DIDO1: variants seen among roughly 807,000 people sequenced by gnomAD.
The protein encoded by DIDO1 is death inducer-obliterator 1, also known as death-inducer obliterator 1.
Under a neutral mutation model 99.4 loss-of-function variants are expected in DIDO1, and 16 were observed. The observed-to-expected ratio is 0.16, with a 90% CI of 0.11 to 0.24. The LOEUF is 0.24. Among genes scored for constraint, DIDO1 ranks in the 10% least tolerant of loss-of-function variants. The probability of loss-of-function intolerance (pLI) is 1.00; values close to 1 mark genes in which losing one functional copy is unlikely to be tolerated. For synonymous variants in DIDO1, 1,366 were observed against 1,239.1 expected (o/e 1.10, Z -2.15); for missense variants, 2,996 against 3,014.0 (o/e 0.99, Z 0.14).
At position 62,881,800 on chromosome 20, in the gene DIDO1, C is replaced by T. The variant is rs781576393; in HGVS notation, c.4156G>A (p.Asp1386Asn). 1 of 1,613,482 alleles carries T rather than the reference C, an allele frequency of 6.2e-7. No homozygotes were observed. Among genetic ancestry groups the T allele is most frequent in the South Asian group, 1.1e-5 (1 of 91,080 alleles). Residue 1386 changes from aspartate (D) to asparagine (N), a missense_variant, in exon 16 of 16, where the codon GAC (aspartate) becomes AAC (asparagine). Physicochemically the swap from Asp to Asn is conservative, Grantham distance 23 (BLOSUM62 1). This residue lies in a region of DIDO1 where 1,562 missense variants were observed against 1,412.6 expected (regional missense o/e 1.11). Transcript: ENST00000395343. This position sits in a 1 kb window ranked among gnomAD's most constrained non-coding sequence, Gnocchi z 8.3. The stretch of plus-strand genomic sequence containing the variant: ...TCCGGGTCGTACTCCTCCTCAGGGT[C>T]GTATGGCCTGTCGTCCTCCTCTTCC... The part of the protein sequence containing the change: ...LEEEEDDRPY[D>N]PEEEYDPERA...
At chr20:62,914,522 C>T (rs769449667) in intron 1 of DIDO1, 116 bp from the exon 2 acceptor site, 3 of 152,198 alleles carry the variant, frequency 2.0e-5, no homozygotes, top group Non-Finnish European at 4.4e-5. Context: ...ACTGTGTGAC[C>T]CACAAAGACA....
intron 2 of DIDO1, among the ~76,000 whole-genome samples, chr20:62,913,011 G>A (rs1031572057): frequency 6.6e-6 from 1 of 152,302 alleles, no homozygotes; most frequent in African/African-American, 2.4e-5. Context: ...CAGCCTGGGC[G>A]AGCAAGACTC....
In DIDO1 at chr20:62,911,690, G is replaced by T; in HGVS notation, c.-2-76C>A. 2 of 1,339,634 alleles carry T rather than the reference G, an allele frequency of 1.5e-6. No homozygotes were observed. The highest frequency in any genetic ancestry group is 2.0e-6 in the Non-Finnish European group (2 of 995,400). The allele number at this position is 1,339,634 out of a possible 1,614,324, so 83.0% of individuals were successfully genotyped here. On this transcript the variant is annotated intron_variant, in intron 2 of 15. Coordinates refer to ENST00000395343, the MANE Select transcript of DIDO1 (RefSeq NM_001193369.2). This position sits in a 1 kb window ranked among gnomAD's most constrained non-coding sequence, Gnocchi z 7.0. ...GTGACATTGCCGCCAAACACGCGCA[G>T]CAGGGGCCACCTCCCTACAAACAGT... is the stretch of plus-strand genomic sequence containing the variant.
At chr20:62,899,703 T>G (rs774881889) in intron 6 of DIDO1, among the ~76,000 whole-genome samples, 4 of 152,222 alleles carry the variant, frequency 2.6e-5, no homozygotes, top group Non-Finnish European at 5.9e-5. Flanking sequence ...TCATCCCTCA[T>G]CTGTGCTTTA....
In DIDO1 at chr20:62,892,931, C is replaced by T. The variant is rs748079042; in HGVS notation, c.3133G>A (p.Asp1045Asn). 6.2e-7 allele frequency: 1 copy of T among 1,613,774 alleles called. No homozygotes were observed. Among genetic ancestry groups the T allele is most frequent in the East Asian group, 2.2e-5 (1 of 44,886 alleles). ...TSESRSPPEGDTTLFLSRLST... is the reference protein window; with the variant it reads ...TSESRSPPEGNTTLFLSRLST... The stretch of plus-strand genomic sequence containing the variant: ...AGTCGAGACAAAAAGAGGGTCGTGT[C>T]TCCCTCTGGAGGGGAACGTGATTCT... Residue 1045 changes from aspartate (D) to asparagine (N), a missense_variant, in exon 13 of 16, where the codon GAC (aspartate) becomes AAC (asparagine). Transcript: ENST00000395343.
chr20:62,898,276 G>A (rs934732931), intron 6 of DIDO1, among the ~76,000 whole-genome samples: 2 of 152,174 alleles, frequency 1.3e-5, no homozygotes, highest in Admixed American at 6.5e-5. Flanking sequence ...AGGATATCCC[G>A]CATGTGCTGC....
In DIDO1 at chr20:62,892,935, C is replaced by T. The variant is rs1568841416; in HGVS notation, c.3129G>A (p.Glu1043=). The T allele has an allele frequency of 1.2e-6, 2 of 1,613,416 alleles. No individual in the cohort carries two copies. Among genetic ancestry groups the T allele is most frequent in the Non-Finnish European group, 1.7e-6 (2 of 1,179,544 alleles). Residue 1043 remains glutamate (E), a synonymous_variant, in exon 13 of 16, where the codon GAG becomes GAA. Transcript: ENST00000395343. ...GAGACAAAAAGAGGGTCGTGTCTCCCTCTGGAGGGGAACGTGATTCTGAAG... is the reference window on the plus strand; with the variant it reads ...GAGACAAAAAGAGGGTCGTGTCTCCTTCTGGAGGGGAACGTGATTCTGAAG... The part of the protein sequence containing the change: ...ISTSESRSPP[E]GDTTLFLSRL...
At chr20:62,933,208 T>C (rs879047352) in intron 1 of DIDO1, among the ~76,000 whole-genome samples, 2 of 152,030 alleles carry the variant, frequency 1.3e-5, no homozygotes, top group Admixed American at 1.3e-4. Flanking sequence ...TGAAATTCTG[T>C]CTCAAACAAA....
rs1301278753 is a variant in DIDO1 at position 62,896,430 on chromosome 20, T to A, written c.2055-38A>T. Reference sequence around the variant, plus strand: ...AAAAAAAGGAACTACATAAGACACTTGTGTATATTAAACTTTTTGAACAGT... The same window carrying A: ...AAAAAAAGGAACTACATAAGACACTAGTGTATATTAAACTTTTTGAACAGT... On this transcript the variant is annotated intron_variant, in intron 7 of 15. Coordinates refer to ENST00000395343, the MANE Select transcript of DIDO1 (RefSeq NM_001193369.2). This position sits in a 1 kb window ranked among gnomAD's most constrained non-coding sequence, Gnocchi z 4.4. 6.3e-7 allele frequency: 1 copy of A among 1,597,212 alleles called. No individual in the cohort carries two copies. Among genetic ancestry groups the A allele is most frequent in the African/African-American group, 1.4e-5 (1 of 73,378 alleles).
chr20:62,906,086 G>T lies in DIDO1; in HGVS notation c.1389C>A (p.Ile463=). The part of the protein sequence containing the change: ...PKCGAQAGIK[I]SSVHKRPAPE... ...GAGCTGGTCTCTTGTGCACAGAAGA[G>T]ATTTTAATACCTGCCTGGATAATCA... Residue 463 remains isoleucine (I), a synonymous_variant, in exon 6 of 16, where the codon ATC becomes ATA. Coordinates refer to ENST00000395343, the MANE Select transcript of DIDO1 (RefSeq NM_001193369.2). The T allele has an allele frequency of 6.2e-7, 1 of 1,610,134 alleles. No individual in the cohort carries two copies. Among genetic ancestry groups the T allele is most frequent in the Non-Finnish European group, 8.5e-7 (1 of 1,178,122 alleles).
intron 15 of DIDO1, among the ~76,000 whole-genome samples, chr20:62,882,915 C>CCT (rs1491565829): frequency 2.5e-5 from 2 of 81,358 alleles, no homozygotes; most frequent in Non-Finnish European, 4.2e-5. Flanking sequence ...AACAAACAGC[C>CCT]TTTTTTTTTT....
chr20:62,886,234 T>C (rs928448420), intron 15 of DIDO1, among the ~76,000 whole-genome samples: 12 of 152,260 alleles, frequency 7.9e-5, no homozygotes, highest in Non-Finnish European at 1.5e-4. Flanking sequence ...AACGTGCCCC[T>C]GCACTTCCAC....
Position 62,914,278 on chromosome 20 carries a change from C to T in DIDO1, c.-71G>A, listed in dbSNP as rs2064999745. On this transcript the variant is annotated 5_prime_UTR_variant, in exon 2 of 16. Coordinates refer to ENST00000395343, the MANE Select transcript of DIDO1 (RefSeq NM_001193369.2). ...AAATACAACCAAAAACCCTGGCAGA[C>T]GAAACCTCTGGGTCCAAGCAGACAG... The T allele has an allele frequency of 6.6e-6, 1 of 152,268 alleles. No homozygotes were observed. The highest frequency in any genetic ancestry group is 2.1e-4 in the South Asian group (1 of 4,818). 9.4% of individuals were successfully genotyped at this position (152,268 alleles called of 1,614,324 possible). A position where few individuals can be genotyped will look rare whatever the true frequency, so the allele number is the denominator to read the frequency against.
chr20:62,936,596 T>A (rs886110437), intron 1 of DIDO1, among the ~76,000 whole-genome samples: 4 of 151,628 alleles, frequency 2.6e-5, no homozygotes, highest in Non-Finnish European at 2.9e-5. Flanking sequence ...CCGGGAGCGG[T>A]GGCTCACGCC....
At chr20:62,905,735 G>T (rs1278943927) in intron 6 of DIDO1, 152 bp downstream of exon 6, 2 of 1,606,680 alleles carry the variant, frequency 1.2e-6, no homozygotes, top group African/African-American at 2.7e-5. Flanking sequence ...GAGGCATCCT[G>T]GACATGGGCT....
At position 62,907,186 on chromosome 20, in the gene DIDO1, C is replaced by T; in HGVS notation, c.1335G>A (p.Met445Ile). Residue 445 changes from methionine (M) to isoleucine (I), a missense_variant, in exon 5 of 16, where the codon ATG becomes ATA. Physicochemically the swap from Met to Ile is conservative, Grantham distance 10. This residue lies in a region of DIDO1 where 898 missense variants were observed against 972.7 expected (regional missense o/e 0.92). Coordinates refer to ENST00000395343, the MANE Select transcript of DIDO1 (RefSeq NM_001193369.2). Reference protein sequence around the residue: ...QKPKPKEKMKMKPEKPSLPKC... With the variant: ...QKPKPKEKMKIKPEKPSLPKC... ...TCGGAAGACTGGGCTTCTCTGGCTT[C>T]ATCTTCATCTTTTCTTTAGGCTTTG... is the stretch of plus-strand genomic sequence containing the variant. The T allele has an allele frequency of 1.2e-6, 2 of 1,614,262 alleles. No individual in the cohort carries two copies. Among genetic ancestry groups the T allele is most frequent in the Non-Finnish European group, 1.7e-6 (2 of 1,180,048 alleles).
At chr20:62,885,376 G>A (rs576104032) in intron 15 of DIDO1, among the ~76,000 whole-genome samples, 2 of 152,324 alleles carry the variant, frequency 1.3e-5, no homozygotes, top group African/African-American at 2.4e-5. Flanking sequence ...GGGCTGTTAG[G>A]GTGGCAGTGT....
intron 1 of DIDO1, among the ~76,000 whole-genome samples, chr20:62,923,659 C>T (rs2065198554): frequency 6.6e-6 from 1 of 152,206 alleles, no homozygotes; most frequent in Admixed American, 6.5e-5. Context: ...AGTGTCTTTA[C>T]TTTCTATTTT....
At chr20:62,922,548 G>A (rs996779603) in intron 1 of DIDO1, among the ~76,000 whole-genome samples, 5 of 152,120 alleles carry the variant, frequency 3.3e-5, no homozygotes, top group African/African-American at 1.2e-4. Flanking sequence ...GTCTAGGAAC[G>A]CGGGGGCCAC....
Sources: gnomAD v4.1 joint callset for allele counts (sites outside exome capture counted in the v4.1 genomes callset) on GRCh38, gnomAD v4.1.1 for gene constraint, gnomAD v4.1.1 regional missense constraint, Gnocchi (gnomAD v3.1) non-coding constraint, MANE v1.5 for transcripts, NCBI Gene and HGNC (gene_info 2026-07-23, HGNC 2026-07-21) for gene names.